PTPRD: variants seen among roughly 807,000 people sequenced by gnomAD.
PTPRD encodes the protein receptor-type tyrosine-protein phosphatase delta.
PTPRD carries 34 observed loss-of-function variants against 214.5 expected under a neutral mutation model. That is an observed-to-expected ratio of 0.16 (90% CI 0.12 to 0.21). PTPRD has a LOEUF of 0.21. Ranked by LOEUF, PTPRD falls within the 10% of genes least tolerant of loss-of-function variation. PTPRD has a pLI of 1.00. For synonymous variants in PTPRD, 1,128 were observed against 845.7 expected, an observed-to-expected ratio of 1.33 and a Z score of -5.79; for missense variants, 2,545 against 2,398.7, an observed-to-expected ratio of 1.06 and a Z score of -1.27.
At chr9:10,503,682 ATTACACT>A (rs1403410477) in intron 2 of PTPRD, among the ~76,000 whole-genome samples, 5 of 152,056 alleles carry the variant, frequency 3.3e-5, no homozygotes. Flanking sequence ...CCTCCTGGAG[ATTACACT>A]TTAGTAGGCC....
chr9:9,946,728 T>G (rs979892199), intron 4 of PTPRD, among the ~76,000 whole-genome samples: 1 of 152,144 alleles, frequency 6.6e-6, no homozygotes, highest in African/African-American at 2.4e-5. Flanking sequence ...GACCCTCTAA[T>G]GTAGTAACAG....
chr9:9,605,652 G>A (rs2094106761), intron 7 of PTPRD, among the ~76,000 whole-genome samples: 1 of 151,998 alleles, frequency 6.6e-6, no homozygotes, highest in Non-Finnish European at 1.5e-5. Flanking sequence ...CAATATAGAG[G>A]ATGAACTAGA....
chr9:10,095,372 A>G (rs565723455), intron 3 of PTPRD, among the ~76,000 whole-genome samples: 1 of 151,576 alleles, frequency 6.6e-6, no homozygotes, highest in Admixed American at 6.6e-5. Flanking sequence ...GTTGTTCCAT[A>G]TTTTACTTCA....
At chr9:9,075,459 C>G (rs562122980) in intron 10 of PTPRD, among the ~76,000 whole-genome samples, 1 of 151,982 alleles carries the variant, frequency 6.6e-6, no homozygotes, top group African/African-American at 2.4e-5. Context: ...ATGTGCACAA[C>G]GTGCAGGTTT....
intron 11 of PTPRD, among the ~76,000 whole-genome samples, chr9:8,752,054 T>A (rs765692344): frequency 2.0e-5 from 3 of 152,204 alleles, no homozygotes; most frequent in Non-Finnish European, 2.9e-5. Context: ...TTCCACTTGC[T>A]GACCTGGGGT....
At chr9:9,687,485 C>A (rs987183758) in intron 7 of PTPRD, among the ~76,000 whole-genome samples, 2 of 151,708 alleles carry the variant, frequency 1.3e-5, no homozygotes, top group Admixed American at 1.3e-4. Flanking sequence ...GTTATGTTTT[C>A]TCTAGTCCTC....
chr9:9,293,621 T>C (rs974529761), intron 9 of PTPRD, among the ~76,000 whole-genome samples: 14 of 151,496 alleles, frequency 9.2e-5, no homozygotes, highest in African/African-American at 2.9e-4. Context: ...AAAAGAAATA[T>C]ACGTATATAC....
chr9:8,346,011 G>A (rs1249422172), intron 39 of PTPRD, among the ~76,000 whole-genome samples: 2 of 151,730 alleles, frequency 1.3e-5, no homozygotes, highest in African/African-American at 2.4e-5. Flanking sequence ...AGCACAAGTG[G>A]AGATCTATAT....
chr9:10,548,768 T>C (rs1474446034), intron 2 of PTPRD, among the ~76,000 whole-genome samples: 4 of 152,110 alleles, frequency 2.6e-5, no homozygotes, highest in East Asian at 3.9e-4. Context: ...GGGAGATGTG[T>C]GCACTCCAGG....
intron 5 of PTPRD, among the ~76,000 whole-genome samples, chr9:9,832,786 C>T (rs2055330878): frequency 6.6e-6 from 1 of 151,888 alleles, no homozygotes; most frequent in African/African-American, 2.4e-5. Context: ...GGCAACTAGC[C>T]AATGGACCAG....
chr9:8,934,239 T>C (rs1205688963), intron 11 of PTPRD, among the ~76,000 whole-genome samples: 1 of 150,548 alleles, frequency 6.6e-6, no homozygotes, highest in South Asian at 2.1e-4. Flanking sequence ...CTAAACAATT[T>C]ACATGAAAAT....
chr9:9,509,482 GT>G (rs2096648577), intron 8 of PTPRD, among the ~76,000 whole-genome samples: 1 of 150,262 alleles, frequency 6.7e-6, no homozygotes, highest in African/African-American at 2.4e-5. Context: ...CCCCTCACTT[GT>G]GGTGACTGCC....
chr9:9,946,987 C>T (rs1045771452), intron 4 of PTPRD, among the ~76,000 whole-genome samples: 1 of 151,656 alleles, frequency 6.6e-6, no homozygotes, highest in Admixed American at 6.6e-5. Context: ...GGAAGCCATG[C>T]ATAGAGTTCT....
At chr9:10,412,918 C>T (rs534000331) in intron 2 of PTPRD, among the ~76,000 whole-genome samples, 17 of 151,978 alleles carry the variant, frequency 1.1e-4, no homozygotes, top group African/African-American at 2.9e-4. Flanking sequence ...AACATCCCTT[C>T]ATGTTAAAAA....
chr9:10,131,522 AAAT>A (rs534809609), intron 3 of PTPRD, among the ~76,000 whole-genome samples: 4 of 152,320 alleles, frequency 2.6e-5, no homozygotes, highest in African/African-American at 9.6e-5. Flanking sequence ...TATAGTAACA[AAAT>A]AACACATGTA....
intron 3 of PTPRD, among the ~76,000 whole-genome samples, chr9:10,042,208 A>C (rs992317018): frequency 6.6e-6 from 1 of 151,936 alleles, no homozygotes; most frequent in African/African-American, 2.4e-5. Flanking sequence ...TCACCTGTTC[A>C]GCTGCCACAG....
chr9:9,339,243 C>T (rs1029826427), intron 9 of PTPRD, among the ~76,000 whole-genome samples: 4 of 151,506 alleles, frequency 2.6e-5, no homozygotes, highest in Non-Finnish European at 4.4e-5. Flanking sequence ...TTTGGGAGGC[C>T]GAGGCAGGTG....
At chr9:8,804,009 G>C (rs1303219678) in intron 11 of PTPRD, among the ~76,000 whole-genome samples, 1 of 151,932 alleles carries the variant, frequency 6.6e-6, no homozygotes, top group Non-Finnish European at 1.5e-5. Flanking sequence ...CTGGAGTGTA[G>C]TGGTGCAATC....
intron 9 of PTPRD, among the ~76,000 whole-genome samples, chr9:9,315,659 T>C (rs1962398355): frequency 6.6e-6 from 1 of 151,760 alleles, no homozygotes; most frequent in Non-Finnish European, 1.5e-5. Flanking sequence ...TTTCATCTCA[T>C]AATAATCATA....
Sources: allele counts gnomAD v4.1 joint callset (sites outside exome capture counted in the v4.1 genomes callset), GRCh38; gene constraint gnomAD v4.1.1; transcripts MANE v1.5; gene names NCBI Gene and HGNC (gene_info 2026-07-23, HGNC 2026-07-21).